Variants in CLIC6 observed in about 807,000 individuals in gnomAD.
The protein encoded by CLIC6 is CLIC family member 6, also known as chloride intracellular channel protein 6.
A neutral mutation model predicts 49.2 loss-of-function variants in CLIC6; 39 were observed. The ratio of observed to expected loss-of-function variants is 0.79; its 90% CI spans 0.61 to 1.04. The LOEUF (loss-of-function observed/expected upper bound fraction) is 1.04. Ranked by LOEUF, CLIC6 falls within the 50% of genes least tolerant of loss-of-function variation. The pLI is 0.00. For synonymous variants in CLIC6, 446 were observed against 433.4 expected (o/e 1.03, Z -0.36); for missense variants, 988 against 993.1 (o/e 0.99, Z 0.07).
intron 1 of CLIC6, among the ~76,000 whole-genome samples, chr21:34,685,053 TGA>T (rs755064927): frequency 6.6e-6 from 1 of 152,176 alleles, no homozygotes; most frequent in Non-Finnish European, 1.5e-5. Context: ...ACCTGGCTAC[TGA>T]GAGAGAAGAA....
Position 34,684,710 on chromosome 21 carries a change from G to A in CLIC6, c.1374+13948G>A, listed in dbSNP as rs922580165. Among the ~76,000 whole-genome samples the A allele has an allele frequency of 2.6e-5, 4 of 152,218 alleles. No individual in the cohort carries two copies. The South Asian group carries it at 8.3e-4, about 31-fold the overall frequency. On this transcript the variant is annotated intron_variant, in intron 1 of 5. Coordinates refer to ENST00000349499, the MANE Select transcript of CLIC6 (RefSeq NM_053277.3). ...TTATTTCCTTCTTCCTCTTTCTACG[G>A]TAGGAGACTACAGTGAGGAGTGTAA...
chr21:34,670,964 G>A (rs1163828493), intron 1 of CLIC6, among the ~76,000 whole-genome samples: 1 of 151,592 alleles, frequency 6.6e-6, no homozygotes, highest in Non-Finnish European at 1.5e-5. Flanking sequence ...GGACTCAATG[G>A]TTTGGAAGCA....
At chr21:34,713,932 A>G (rs899678239) in intron 5 of CLIC6, among the ~76,000 whole-genome samples, 15 of 152,220 alleles carry the variant, frequency 9.9e-5, no homozygotes, top group Admixed American at 2.6e-4. Context: ...AGCCAGTGAA[A>G]CAGGGAAGAA....
At chr21:34,681,057 T>C (rs116651235) in intron 1 of CLIC6, among the ~76,000 whole-genome samples, 93 of 152,352 alleles carry the variant, frequency 6.1e-4, no homozygotes, top group African/African-American at 1.9e-3. Context: ...TAGTCCATTC[T>C]CATACTGCAA....
At chr21:34,692,621 C>T (rs1320355411) in intron 1 of CLIC6, among the ~76,000 whole-genome samples, 1 of 152,206 alleles carries the variant, frequency 6.6e-6, no homozygotes, top group Non-Finnish European at 1.5e-5. Context: ...ACAAAAAGTA[C>T]TATACAATTC....
At chr21:34,692,488 C>G (rs974466005) in intron 1 of CLIC6, among the ~76,000 whole-genome samples, 1 of 152,222 alleles carries the variant, frequency 6.6e-6, no homozygotes, top group Non-Finnish European at 1.5e-5. Flanking sequence ...TGCAAAGCCT[C>G]TGATTTCTGG....
intron 1 of CLIC6, among the ~76,000 whole-genome samples, chr21:34,677,892 A>G (rs1374756004): frequency 6.6e-6 from 1 of 152,178 alleles, no homozygotes; most frequent in Non-Finnish European, 1.5e-5. Flanking sequence ...TACACCTACA[A>G]CCTAAGAATG....
chr21:34,669,795 AG>A lies in CLIC6; in HGVS notation c.408del (p.Arg137GlyfsTer24). 7.0e-7 allele frequency: 1 copy of A among 1,420,878 alleles called. No individual in the cohort carries two copies. Among genetic ancestry groups the A allele is most frequent in the Non-Finnish European group, 9.1e-7 (1 of 1,098,062 alleles). 88.0% of individuals were successfully genotyped at this position (1,420,878 alleles called of 1,614,324 possible). ...GAGCCCGAGGACTCTGCGGCCCCCG[AG>A]AGGCAGGAGGAGGCGGAGCAGAGGC... ...QREPEDSAAP[E>X]RQEEAEQRPE... On this transcript the variant is annotated frameshift_variant, in exon 1 of 6. Transcript: ENST00000349499. LOFTEE classifies it high-confidence loss of function.
At chr21:34,712,527 T>C (rs1195293942) in intron 5 of CLIC6, among the ~76,000 whole-genome samples, 1 of 152,088 alleles carries the variant, frequency 6.6e-6, no homozygotes, top group Non-Finnish European at 1.5e-5. Context: ...GCCTAGAGCA[T>C]GAGATGGGCC....
At chr21:34,686,175 G>A (rs1989874305) in intron 1 of CLIC6, among the ~76,000 whole-genome samples, 1 of 152,152 alleles carries the variant, frequency 6.6e-6, no homozygotes. Context: ...AGGCTGAGGT[G>A]GGCAGATCAC....
Position 34,670,452 on chromosome 21 carries a change from G to A in CLIC6, c.1064G>A (p.Gly355Asp), listed in dbSNP as rs1372783780. The change falls in exon 1 of 6, where the codon GGC (glycine) becomes GAC (aspartate). Residue 355 changes from glycine (G) to aspartate (D), a missense_variant. This residue lies in a region of CLIC6 where 647 missense variants were observed against 596.9 expected (regional missense o/e 1.08). Transcript: ENST00000349499. ...AAPGDARADA[G>D]EDRVGDGPQQ... ...CCCGGGGACGCAAGGGCAGACGCTG[G>A]CGAGGACAGGGTAGGGGATGGGCCA... The A allele has an allele frequency of 6.8e-6, 10 of 1,473,542 alleles. No individual in the cohort carries two copies. The highest frequency in any genetic ancestry group is 9.0e-6 in the Non-Finnish European group (10 of 1,112,974). 91.3% of individuals were successfully genotyped at this position (1,473,542 alleles called of 1,614,324 possible).
chr21:34,690,848 T>C (rs1601273831), intron 1 of CLIC6, among the ~76,000 whole-genome samples: 1 of 129,648 alleles, frequency 7.7e-6, no homozygotes, highest in African/African-American at 2.9e-5. Flanking sequence ...GGGAAAGGAG[T>C]TATAATACAT....
Position 34,700,812 on chromosome 21 carries a change from G to A in CLIC6, c.1375-6468G>A. Among the ~76,000 whole-genome samples, 2 of 139,852 alleles carry A rather than the reference G, an allele frequency of 1.4e-5. 1 individual carries two copies. The highest frequency in any genetic ancestry group is 3.1e-5 in the Non-Finnish European group (2 of 64,672). The allele number at this position is 139,852 out of a possible 152,430, so 91.7% of individuals were successfully genotyped here. ...TGTGGTGTCATTTCTGGAAAAGGAA[G>A]CAGTTCTCTGGACGCTTGCCACCTC... is the stretch of plus-strand genomic sequence containing the variant. On this transcript the variant is annotated intron_variant, in intron 1 of 5. Coordinates refer to ENST00000349499, the MANE Select transcript of CLIC6 (RefSeq NM_053277.3).
At chr21:34,672,971 G>T (rs944867280) in intron 1 of CLIC6, among the ~76,000 whole-genome samples, 6 of 152,142 alleles carry the variant, frequency 3.9e-5, no homozygotes, top group Admixed American at 1.3e-4. Flanking sequence ...CGCATAACTT[G>T]CACTGATTTT....
intron 1 of CLIC6, among the ~76,000 whole-genome samples, chr21:34,689,358 G>A (rs976546236): frequency 6.6e-6 from 1 of 152,216 alleles, no homozygotes; most frequent in African/African-American, 2.4e-5. Flanking sequence ...GTGAACTGGT[G>A]TTCGAAGGTA....
At position 34,699,006 on chromosome 21, in the gene CLIC6, G is replaced by A. The variant is rs7276706; in HGVS notation, c.1375-8274G>A. On this transcript the variant is annotated intron_variant, in intron 1 of 5. Coordinates refer to ENST00000349499, the MANE Select transcript of CLIC6 (RefSeq NM_053277.3). ...CTTGAGCACCAGGAAAAACAGTGGG[G>A]CCATTGAGTGGAGAGAGGAGAGCGA... is the stretch of plus-strand genomic sequence containing the variant. Among the ~76,000 whole-genome samples, 1,246 of 152,264 alleles carry A rather than the reference G, an allele frequency of 8.2e-3. 22 individuals are homozygous for A. The highest frequency in any genetic ancestry group is 0.028 in the African/African-American group (1,167 of 41,532).
intron 1 of CLIC6, among the ~76,000 whole-genome samples, chr21:34,688,181 A>T (rs928523585): frequency 6.6e-6 from 1 of 152,236 alleles, no homozygotes; most frequent in African/African-American, 2.4e-5. Flanking sequence ...GAGCTGGTAT[A>T]ATAACAATGG....
intron 1 of CLIC6, among the ~76,000 whole-genome samples, chr21:34,688,029 C>T (rs1320220944): frequency 1.3e-5 from 2 of 152,132 alleles, no homozygotes; most frequent in African/African-American, 4.8e-5. Flanking sequence ...AGCATGCAAA[C>T]AAAGTCAGTC....
chr21:34,699,135 T>C (rs1990141871), intron 1 of CLIC6, among the ~76,000 whole-genome samples: 1 of 152,234 alleles, frequency 6.6e-6, no homozygotes, highest in African/African-American at 2.4e-5. Flanking sequence ...GGATGAATAA[T>C]AGGACATGTC....
Sources: allele counts gnomAD v4.1 joint callset (sites outside exome capture counted in the v4.1 genomes callset), GRCh38; gene constraint gnomAD v4.1.1; regional missense constraint gnomAD v4.1.1; transcripts MANE v1.5; gene names NCBI Gene and HGNC (gene_info 2026-07-23, HGNC 2026-07-21).